The following KCNMB2 variants were observed in gnomAD, a reference collection of about 807,000 sequenced individuals.
KCNMB2 encodes the protein calcium-activated potassium channel subunit beta-2.
Under a neutral mutation model 24.5 loss-of-function variants are expected in KCNMB2, and 9 were observed. The observed-to-expected ratio is 0.37, with a 90% CI of 0.22 to 0.64. The LOEUF is 0.64. Among genes scored for constraint, KCNMB2 ranks in the 30% least tolerant of loss-of-function variants. KCNMB2 has a pLI of 0.63. For missense variants in KCNMB2, 226 were observed against 284.3 expected (o/e 0.79, Z 1.47); for synonymous variants, 109 against 104.4 (o/e 1.04, Z -0.27).
chr3:178,629,906 G>A (rs1186881828), intron 1 of KCNMB2, among the ~76,000 whole-genome samples: 1 of 152,154 alleles, frequency 6.6e-6, no homozygotes, highest in East Asian at 1.9e-4. Flanking sequence ...ACAAACTACA[G>A]TAAACAGTAT....
chr3:178,688,169 A>G (rs1375338378), intron 1 of KCNMB2, among the ~76,000 whole-genome samples: 1 of 152,208 alleles, frequency 6.6e-6, no homozygotes, highest in African/African-American at 2.4e-5. Context: ...AGATAAAGAA[A>G]CTAATGAGAT....
intron 1 of KCNMB2, among the ~76,000 whole-genome samples, chr3:178,692,175 T>C (rs1721704141): frequency 6.6e-6 from 1 of 152,262 alleles, no homozygotes; most frequent in Non-Finnish European, 1.5e-5. Context: ...ACAAAAATTT[T>C]TCTCCCATTC....
chr3:178,541,885 C>T (rs540073259), intron 1 of KCNMB2, among the ~76,000 whole-genome samples: 4 of 152,138 alleles, frequency 2.6e-5, no homozygotes, highest in Non-Finnish European at 5.9e-5. Context: ...TGACTCAGTC[C>T]GATCACCTGC....
chr3:178,725,669 T>C (rs1191828055), intron 1 of KCNMB2, among the ~76,000 whole-genome samples: 1 of 152,052 alleles, frequency 6.6e-6, no homozygotes, highest in African/African-American at 2.4e-5. Context: ...ATATAATCTA[T>C]CTTAGTGAAT....
At chr3:178,542,060 G>A (rs950616489) in intron 1 of KCNMB2, among the ~76,000 whole-genome samples, 1 of 152,168 alleles carries the variant, frequency 6.6e-6, no homozygotes. Context: ...CAGGGGCCAC[G>A]TGTGTCAGGG....
chr3:178,568,850 TAGATGATA>T (rs751373359), intron 1 of KCNMB2, among the ~76,000 whole-genome samples: 6,674 of 108,036 alleles, frequency 0.062, 226 homozygotes, highest in African/African-American at 0.1. Context: ...GATAGATAGA[TAGATGATA>T]GATAGATAGA....
chr3:178,582,476 T>G (rs1717251564), intron 1 of KCNMB2, among the ~76,000 whole-genome samples: 1 of 152,130 alleles, frequency 6.6e-6, no homozygotes, highest in Admixed American at 6.6e-5. Context: ...AACATGCACA[T>G]TCTGCAAATG....
chr3:178,677,963 T>C (rs1048635348), intron 1 of KCNMB2, among the ~76,000 whole-genome samples: 2 of 152,196 alleles, frequency 1.3e-5, no homozygotes, highest in African/African-American at 4.8e-5. Flanking sequence ...TTTAAATGCA[T>C]TATAATTAGC....
At chr3:178,660,444 C>A (rs553821528) in intron 1 of KCNMB2, among the ~76,000 whole-genome samples, 54 of 152,250 alleles carry the variant, frequency 3.5e-4, no homozygotes, top group Non-Finnish European at 6.8e-4. Flanking sequence ...CTCACTGGGG[C>A]CCCTTCCCAA....
At chr3:178,783,414 C>G (rs1436064965) in intron 1 of KCNMB2, among the ~76,000 whole-genome samples, 4 of 151,214 alleles carry the variant, frequency 2.6e-5, no homozygotes, top group Admixed American at 1.3e-4. Flanking sequence ...TTGATTCTTC[C>G]TACCCAGGAG....
rs141278374 is a variant in KCNMB2, at chr3:178,706,914, C to T, written c.-67-100429C>T. Among the ~76,000 whole-genome samples, 506 of 152,198 alleles carry T rather than the reference C, an allele frequency of 3.3e-3. 3 individuals carry two copies. Among genetic ancestry groups the T allele is most frequent in the African/African-American group, 0.012 (485 of 41,538 alleles). On this transcript the variant is annotated intron_variant, in intron 1 of 4. Coordinates refer to ENST00000452583, the MANE Select transcript of KCNMB2 (RefSeq NM_181361.3). ...GAATACAAATACCTAATGTGGATGA[C>T]GGGTTGATGGGTGCAGCAAACCACC...
intron 1 of KCNMB2, among the ~76,000 whole-genome samples, chr3:178,714,371 C>A (rs528961073): frequency 6.6e-6 from 1 of 152,160 alleles, no homozygotes; most frequent in Non-Finnish European, 1.5e-5. Context: ...CTCCTGGACT[C>A]ATGAGGAGGG....
chr3:178,591,636 T>A (rs1261530813), intron 1 of KCNMB2, among the ~76,000 whole-genome samples: 3 of 152,148 alleles, frequency 2.0e-5, no homozygotes. Context: ...TTGCTGATGG[T>A]GTGTTTTTAT....
At chr3:178,747,490 C>A (rs554831230) in intron 1 of KCNMB2, among the ~76,000 whole-genome samples, 10 of 152,188 alleles carry the variant, frequency 6.6e-5, no homozygotes, top group Non-Finnish European at 1.3e-4. Flanking sequence ...ATCCTCACAA[C>A]AATCTTATAA....
intron 1 of KCNMB2, among the ~76,000 whole-genome samples, chr3:178,626,239 A>G (rs1486812741): frequency 1.3e-5 from 2 of 152,248 alleles, no homozygotes; most frequent in African/African-American, 4.8e-5. Context: ...CAGTACTGTC[A>G]TTAACTGTCA....
chr3:178,700,930 T>G (rs182207340), intron 1 of KCNMB2, among the ~76,000 whole-genome samples: 79 of 152,360 alleles, frequency 5.2e-4, no homozygotes, highest in Non-Finnish European at 1.0e-3. Flanking sequence ...GATGGTGGTT[T>G]CTTTTGCTGT....
chr3:178,584,870 G>A lies in KCNMB2; in HGVS notation c.-68+48159G>A, dbSNP rs553954200. Among the ~76,000 whole-genome samples the A allele has an allele frequency of 5.3e-5, 8 of 152,018 alleles. No homozygotes were observed. In the South Asian group the frequency reaches 1.2e-3, roughly 24 times the overall value. On this transcript the variant is annotated intron_variant, in intron 1 of 4. Coordinates refer to ENST00000452583, the MANE Select transcript of KCNMB2 (RefSeq NM_181361.3). ...TTATCACACCTGCTATTTTTTCACT[G>A]CCAAAAGATTGCAATAACCTCCCTC...
intron 1 of KCNMB2, among the ~76,000 whole-genome samples, chr3:178,598,696 A>G (rs1315767353): frequency 6.6e-6 from 1 of 151,904 alleles, no homozygotes; most frequent in Non-Finnish European, 1.5e-5. Flanking sequence ...CAACCTGAGC[A>G]AGCAGGAAAG....
At chr3:178,769,095 A>T (rs1712241195) in intron 1 of KCNMB2, among the ~76,000 whole-genome samples, 1 of 152,206 alleles carries the variant, frequency 6.6e-6, no homozygotes, top group African/African-American at 2.4e-5. Flanking sequence ...CTTGAAGTGC[A>T]AGACACTTTG....
Sources: gnomAD v4.1 joint callset for allele counts (sites outside exome capture counted in the v4.1 genomes callset) on GRCh38, gnomAD v4.1.1 for gene constraint, MANE v1.5 for transcripts, NCBI Gene and HGNC (gene_info 2026-07-23, HGNC 2026-07-21) for gene names.